The following CARS1 variants were observed in gnomAD, a reference collection of about 807,000 sequenced individuals.
The protein encoded by CARS1 is cysteinyl-tRNA synthetase 1, also known as cysteine--tRNA ligase, cytoplasmic.
A neutral mutation model predicts 106.2 loss-of-function variants in CARS1; 48 were observed. That is an observed-to-expected ratio of 0.45 (90% CI 0.36 to 0.57). The LOEUF (loss-of-function observed/expected upper bound fraction) is 0.57. CARS1 is among the 20% of genes least tolerant of loss of function. The pLI, the probability that CARS1 is intolerant of heterozygous loss-of-function variation, is 0.00. For synonymous variants in CARS1, 409 were observed against 403.4 expected, an observed-to-expected ratio of 1.01 and a Z score of -0.17; for missense variants, 968 against 1,057.2, an observed-to-expected ratio of 0.92 and a Z score of 1.17.
chr11:3,026,533 C>G, intron 10 of CARS1, 143 bp downstream of exon 10: 11 of 805,312 alleles, frequency 1.4e-5, no homozygotes, highest in Middle Eastern at 3.8e-4. Context: ...CAGAAAACTC[C>G]TAAAATTCCT....
At chr11:3,016,582 A>G (rs1219403635) in intron 16 of CARS1, among the ~76,000 whole-genome samples, 1 of 152,164 alleles carries the variant, frequency 6.6e-6, no homozygotes, top group Non-Finnish European at 1.5e-5. Flanking sequence ...AAGGAAAGAA[A>G]TAGCTCTGAG....
chr11:3,050,563 G>T lies in CARS1; in HGVS notation c.26-2562C>A, dbSNP rs1023016081. 6.6e-6 allele frequency among the ~76,000 whole-genome samples: 1 copy of T among 152,206 alleles called. No homozygotes were observed. The highest frequency in any genetic ancestry group is 1.5e-5 in the Non-Finnish European group (1 of 68,042). On this transcript the variant is annotated intron_variant, in intron 1 of 22. Transcript: ENST00000380525. This position sits in a 1 kb window ranked among gnomAD's most constrained non-coding sequence, Gnocchi z 6.3. ...GCATGGCTCTCCCCTCACAGCCACA[G>T]GCCTCCAGCGGCCCTGCTGAAAAGC...
chr11:3,001,526 TC>T (rs1849402537), intron 22 of CARS1, among the ~76,000 whole-genome samples: 1 of 152,146 alleles, frequency 6.6e-6, no homozygotes, highest in African/African-American at 2.4e-5. Flanking sequence ...ATGGCTGAGT[TC>T]TGACACAGCT....
chr11:3,016,343 C>A (rs11820346), intron 16 of CARS1, among the ~76,000 whole-genome samples: 1 of 151,994 alleles, frequency 6.6e-6, no homozygotes, highest in African/African-American at 2.4e-5. Flanking sequence ...GCCTCAGCCT[C>A]CCGAGTAGCT....
Position 3,040,441 on chromosome 11 carries a change from C to A in CARS1, c.455+455G>T. 2.2e-6 allele frequency: 1 copy of A among 446,400 alleles called. No homozygotes were observed. The highest frequency in any genetic ancestry group is 4.4e-6 in the Non-Finnish European group (1 of 224,920). 27.7% of individuals were successfully genotyped at this position (446,400 alleles called of 1,614,324 possible). A position where few individuals can be genotyped will look rare whatever the true frequency, so the allele number is the denominator to read the frequency against. On this transcript the variant is annotated intron_variant, in intron 4 of 22. Coordinates refer to ENST00000380525, the MANE Select transcript of CARS1 (RefSeq NM_001014437.3). This position sits in a 1 kb window ranked among gnomAD's most constrained non-coding sequence, Gnocchi z 5.8. Reference sequence around the variant, plus strand: ...ATGAACACATAAAAGGACTCTGTGGCATTTACCCCAACAGCCAGCTACTCG... The same window carrying A: ...ATGAACACATAAAAGGACTCTGTGGAATTTACCCCAACAGCCAGCTACTCG...
chr11:3,033,296 A>G (rs1853114677), intron 7 of CARS1, among the ~76,000 whole-genome samples: 1 of 152,224 alleles, frequency 6.6e-6, no homozygotes, highest in Admixed American at 6.5e-5. Context: ...ACAAGAGAAC[A>G]TTCAGAAACC....
rs909566172 is a variant in CARS1 at position 3,017,701 on chromosome 11, A to C, written c.1727+156T>G. The C allele has an allele frequency of 2.3e-5, 14 of 612,296 alleles. No individual in the cohort carries two copies. Among genetic ancestry groups the C allele is most frequent in the Middle Eastern group, 2.7e-4 (1 of 3,674 alleles). The allele number at this position is 612,296 out of a possible 1,614,324, so 37.9% of individuals were successfully genotyped here. A position where few individuals can be genotyped will look rare whatever the true frequency, so the allele number is the denominator to read the frequency against. On this transcript the variant is annotated intron_variant, in intron 15 of 22. Transcript: ENST00000380525. This position sits in a 1 kb window ranked among gnomAD's most constrained non-coding sequence, Gnocchi z 4.9. The stretch of plus-strand genomic sequence containing the variant: ...CACTTCAACACCCAGAGCAGCTCCC[A>C]TTAGCAGAGCCGCCTATCCTGAATT...
Position 3,003,984 on chromosome 11 carries a change from G to A in CARS1, c.2217+1382C>T, listed in dbSNP as rs535724858. Among the ~76,000 whole-genome samples, 3 of 152,182 alleles carry A rather than the reference G, an allele frequency of 2.0e-5. No homozygotes were observed. Among genetic ancestry groups the A allele is most frequent in the South Asian group, 2.1e-4 (1 of 4,830 alleles). ...GTGCAAGGCCTGTGAGGCTCTGGCC[G>A]GGCCACCCTGGCGCTCCTCTTGTCT... On this transcript the variant is annotated intron_variant, in intron 20 of 22. Transcript: ENST00000380525. This position sits in a 1 kb window ranked among gnomAD's most constrained non-coding sequence, Gnocchi z 4.8.
chr11:3,001,400 C>T (rs1849392205), intron 22 of CARS1, 152 bp from the exon 23 acceptor site: 5 of 839,756 alleles, frequency 6.0e-6, no homozygotes, highest in Non-Finnish European at 9.1e-6. Context: ...GCTCTGGAGC[C>T]AGCACACTCA....
chr11:3,040,434 TC>T lies in CARS1; in HGVS notation c.455+461del, dbSNP rs1403519084. The stretch of plus-strand genomic sequence containing the variant: ...CTAAAACATGAACACATAAAAGGAC[TC>T]TGTGGCATTTACCCCAACAGCCAGC... On this transcript the variant is annotated intron_variant, in intron 4 of 22. Transcript: ENST00000380525. The surrounding 1 kb of genome is among the most constrained non-coding windows in gnomAD (Gnocchi z 5.8). 2.3e-6 allele frequency: 1 copy of T among 439,684 alleles called. No individual in the cohort carries two copies. The highest frequency in any genetic ancestry group is 2.0e-5 in the African/African-American group (1 of 49,664). The allele number at this position is 439,684 out of a possible 1,614,324, so 27.2% of individuals were successfully genotyped here.
chr11:3,018,169 A>C, intron 14 of CARS1: 1 of 612,968 alleles, frequency 1.6e-6, no homozygotes, highest in Non-Finnish European at 2.9e-6. Flanking sequence ...AGTACAAGTC[A>C]GAAGGACGTG....
intron 19 of CARS1, among the ~76,000 whole-genome samples, chr11:3,005,795 G>A (rs890828052): frequency 1.3e-5 from 2 of 152,052 alleles, no homozygotes; most frequent in Non-Finnish European, 2.9e-5. Context: ...GTATTTTAGT[G>A]GAGACGGGGT....
chr11:3,019,355 C>G lies in CARS1; in HGVS notation c.1267-88G>C. The G allele has an allele frequency of 7.8e-7, 1 of 1,289,794 alleles. No homozygotes were observed. The allele number at this position is 1,289,794 out of a possible 1,614,324, so 79.9% of individuals were successfully genotyped here. A position where few individuals can be genotyped will look rare whatever the true frequency, so the allele number is the denominator to read the frequency against. On this transcript the variant is annotated intron_variant, in intron 11 of 22. Transcript: ENST00000380525. This position sits in a 1 kb window ranked among gnomAD's most constrained non-coding sequence, Gnocchi z 6.2. ...TATCACTCCAAGTTGATGGCCCTTA[C>G]ATCCTCTGAACTTTATTGGAACAAG...
At chr11:3,024,669 A>C (rs2134173286) in intron 10 of CARS1, among the ~76,000 whole-genome samples, 1 of 152,060 alleles carries the variant, frequency 6.6e-6, no homozygotes, top group East Asian at 1.9e-4. Context: ...GTTGGTCTGG[A>C]ACTCCTGGGC....
chr11:3,027,844 A>G (rs1423741803), intron 9 of CARS1: 1 of 454,380 alleles, frequency 2.2e-6, no homozygotes, highest in Non-Finnish European at 4.4e-6. Context: ...GTCAAGGAAA[A>G]ACACCCGCTA....
intron 1 of CARS1, among the ~76,000 whole-genome samples, chr11:3,056,023 C>T (rs1056409493): frequency 2.6e-5 from 4 of 152,078 alleles, no homozygotes; most frequent in South Asian, 2.1e-4. Context: ...GGCTCTGGGA[C>T]GGGTGGAGAT....
In CARS1 at chr11:3,041,328, C is replaced by A; in HGVS notation, c.367-344G>T. On this transcript the variant is annotated intron_variant, in intron 3 of 22. Transcript: ENST00000380525. This position sits in a 1 kb window ranked among gnomAD's most constrained non-coding sequence, Gnocchi z 4.9. ...ATATTTACTGAGTACCTACCATGTG[C>A]CAGGCCCTGAGCTAAATATTCAATA... 7.0e-6 allele frequency: 2 copies of A among 285,734 alleles called. No individual in the cohort carries two copies. Among genetic ancestry groups the A allele is most frequent in the Non-Finnish European group, 1.4e-5 (2 of 147,808 alleles). 17.7% of individuals were successfully genotyped at this position (285,734 alleles called of 1,614,324 possible).
Position 3,022,936 on chromosome 11 carries a change from G to A in CARS1, c.1154-2604C>T, listed in dbSNP as rs533196676. Among the ~76,000 whole-genome samples, 23 of 152,316 alleles carry A rather than the reference G, an allele frequency of 1.5e-4. No individual in the cohort carries two copies. In the South Asian group the frequency reaches 4.2e-3, roughly 28 times the overall value. On this transcript the variant is annotated intron_variant, in intron 10 of 22. Coordinates refer to ENST00000380525, the MANE Select transcript of CARS1 (RefSeq NM_001014437.3). The surrounding 1 kb of genome is among the most constrained non-coding windows in gnomAD (Gnocchi z 4.9). ...ACACTCCTTATGACTCCCCATGGTGGGGGGAGGTTGCGGGGGTGGTCATGT... is the reference window on the plus strand; with the variant it reads ...ACACTCCTTATGACTCCCCATGGTGAGGGGAGGTTGCGGGGGTGGTCATGT...
intron 1 of CARS1, among the ~76,000 whole-genome samples, chr11:3,049,987 G>C (rs946453491): frequency 2.0e-5 from 3 of 152,244 alleles, no homozygotes; most frequent in African/African-American, 7.2e-5. Flanking sequence ...TGTCAGCAAA[G>C]ATGAGTCAGA....
Sources: gnomAD v4.1 joint callset for allele counts (sites outside exome capture counted in the v4.1 genomes callset) on GRCh38, gnomAD v4.1.1 for gene constraint, Gnocchi (gnomAD v3.1) non-coding constraint, MANE v1.5 for transcripts, NCBI Gene and HGNC (gene_info 2026-07-23, HGNC 2026-07-21) for gene names.